Variants in DLG2 observed in about 807,000 individuals in gnomAD.
The protein encoded by DLG2 is discs large MAGUK scaffold protein 2.
Under a neutral mutation model 132.5 loss-of-function variants are expected in DLG2, and 45 were observed. That is an observed-to-expected ratio of 0.34 (90% CI 0.27 to 0.44). The LOEUF (loss-of-function observed/expected upper bound fraction) is 0.44. Among genes scored for constraint, DLG2 ranks in the 20% least tolerant of loss-of-function variants. The pLI is 1.00. For missense variants in DLG2, 1,045 were observed against 1,196.9 expected, an observed-to-expected ratio of 0.87 and a Z score of 1.87; for synonymous variants, 424 against 419.6, an observed-to-expected ratio of 1.01 and a Z score of -0.13.
At chr11:83,674,735 A>C (rs1803827541) in intron 18 of DLG2, among the ~76,000 whole-genome samples, 1 of 152,226 alleles carries the variant, frequency 6.6e-6, no homozygotes, top group Non-Finnish European at 1.5e-5. Flanking sequence ...CCTCAGTGAC[A>C]CAGCTAGGCT....
chr11:83,729,149 T>A (rs965206423), intron 18 of DLG2, among the ~76,000 whole-genome samples: 6 of 152,200 alleles, frequency 3.9e-5, no homozygotes, highest in South Asian at 2.1e-4. Context: ...ATTTATCAAC[T>A]GCTTAACAGG....
At chr11:84,059,631 G>T in intron 10 of DLG2, 147 bp from the exon 11 acceptor site, 1 of 695,450 alleles carries the variant, frequency 1.4e-6, no homozygotes. Flanking sequence ...TGCTTCAAAT[G>T]AAGGAAATCT....
intron 11 of DLG2, among the ~76,000 whole-genome samples, chr11:84,008,097 T>G (rs1478065316): frequency 1.3e-5 from 2 of 151,802 alleles, no homozygotes; most frequent in East Asian, 3.9e-4. Flanking sequence ...CTATGTCATA[T>G]CATGGTCACT....
At position 84,888,364 on chromosome 11, in the gene DLG2, T is replaced by C. The variant is rs143815344; in HGVS notation, c.357+223297A>G. On this transcript the variant is annotated intron_variant, in intron 6 of 27. Transcript: ENST00000376104. ...TTTGCTCTCCCTTCTTGAGCTGGGCTATCTATCTTTTCCTGCCCTCAGACA... is the reference window on the plus strand; with the variant it reads ...TTTGCTCTCCCTTCTTGAGCTGGGCCATCTATCTTTTCCTGCCCTCAGACA... 3.9e-3 allele frequency among the ~76,000 whole-genome samples: 593 copies of C among 152,260 alleles called. 3 individuals carry two copies. The highest frequency in any genetic ancestry group is 0.014 in the African/African-American group (581 of 41,568).
intron 11 of DLG2, among the ~76,000 whole-genome samples, chr11:84,033,142 T>A (rs1187501019): frequency 6.6e-6 from 1 of 152,160 alleles, no homozygotes; most frequent in African/African-American, 2.4e-5. Flanking sequence ...TTTTTAAAAG[T>A]CTTATTATTT....
intron 11 of DLG2, among the ~76,000 whole-genome samples, chr11:83,989,429 G>A (rs2093574131): frequency 6.6e-6 from 1 of 152,148 alleles, no homozygotes; most frequent in Non-Finnish European, 1.5e-5. Flanking sequence ...CTGTCAGGTT[G>A]TTGGGAAAAC....
intron 4 of DLG2, among the ~76,000 whole-genome samples, chr11:85,169,167 T>C (rs2078670295): frequency 6.6e-6 from 1 of 152,206 alleles, no homozygotes; most frequent in African/African-American, 2.4e-5. Context: ...GTTGTTGTAC[T>C]GTATTTTTAT....
intron 6 of DLG2, among the ~76,000 whole-genome samples, chr11:84,778,776 G>C (rs976794257): frequency 1.3e-5 from 2 of 152,130 alleles, no homozygotes; most frequent in African/African-American, 4.8e-5. Context: ...AACTGAGAGA[G>C]GAAGACTCAC....
chr11:85,557,254 G>C (rs2076991991), intron 3 of DLG2, among the ~76,000 whole-genome samples: 1 of 151,886 alleles, frequency 6.6e-6, no homozygotes, highest in South Asian at 2.1e-4. Context: ...AACCAAGGTG[G>C]TGAAAGATCT....
chr11:84,435,577 A>C (rs915978133), intron 7 of DLG2, among the ~76,000 whole-genome samples: 2 of 152,152 alleles, frequency 1.3e-5, no homozygotes, highest in African/African-American at 4.8e-5. Context: ...TCAGTTCTCT[A>C]ATGTAGATTT....
intron 6 of DLG2, among the ~76,000 whole-genome samples, chr11:84,779,255 G>A (rs192243132): frequency 2.5e-4 from 38 of 151,494 alleles, no homozygotes; most frequent in Admixed American, 2.2e-3. Flanking sequence ...CTATTAGTTC[G>A]GTCCCTCTGG....
intron 11 of DLG2, among the ~76,000 whole-genome samples, chr11:84,055,338 C>T (rs2154125825): frequency 6.6e-6 from 1 of 152,218 alleles, no homozygotes; most frequent in African/African-American, 2.4e-5. Flanking sequence ...CTTCTGCCCT[C>T]TTCAATTCAT....
At chr11:84,509,403 T>C (rs1475637026) in intron 7 of DLG2, among the ~76,000 whole-genome samples, 4 of 152,236 alleles carry the variant, frequency 2.6e-5, no homozygotes, top group South Asian at 4.1e-4. Context: ...ATCTCTTATA[T>C]TGATAAATTA....
intron 12 of DLG2, among the ~76,000 whole-genome samples, chr11:83,976,407 T>G (rs2092221111): frequency 6.6e-6 from 1 of 151,948 alleles, no homozygotes; most frequent in Non-Finnish European, 1.5e-5. Flanking sequence ...GTGGTACAGC[T>G]GGTACATCAT....
intron 3 of DLG2, among the ~76,000 whole-genome samples, chr11:85,390,762 A>G (rs1454719638): frequency 6.6e-6 from 1 of 152,096 alleles, no homozygotes; most frequent in Non-Finnish European, 1.5e-5. Flanking sequence ...ATCAAAACCT[A>G]TCAAAACCTC....
chr11:84,479,468 T>A (rs1403837231), intron 7 of DLG2, among the ~76,000 whole-genome samples: 1 of 152,124 alleles, frequency 6.6e-6, no homozygotes, highest in African/African-American at 2.4e-5. Context: ...ATTTTCTTAT[T>A]CCTCTAATAT....
At chr11:85,349,441 T>C (rs538965262) in intron 3 of DLG2, among the ~76,000 whole-genome samples, 1 of 152,222 alleles carries the variant, frequency 6.6e-6, no homozygotes, top group East Asian at 1.9e-4. Context: ...CTCAAAGTTC[T>C]AGGGTACATG....
chr11:85,157,907 T>A (rs1371984284), intron 4 of DLG2, among the ~76,000 whole-genome samples: 1 of 151,990 alleles, frequency 6.6e-6, no homozygotes, highest in Non-Finnish European at 1.5e-5. Context: ...CAACATCCCC[T>A]CCCCGACCCA....
intron 6 of DLG2, among the ~76,000 whole-genome samples, chr11:84,998,330 C>G (rs1441869257): frequency 6.6e-6 from 1 of 152,050 alleles, no homozygotes; most frequent in African/African-American, 2.4e-5. Flanking sequence ...ATCTGATGAT[C>G]TTATAAGCAT....
Sources: allele counts gnomAD v4.1 joint callset (sites outside exome capture counted in the v4.1 genomes callset), GRCh38; gene constraint gnomAD v4.1.1; transcripts MANE v1.5; gene names NCBI Gene and HGNC (gene_info 2026-07-23, HGNC 2026-07-21).